CADM2: variants seen among roughly 807,000 people sequenced by gnomAD.
CADM2 encodes immunoglobulin superfamily member 4D.
A neutral mutation model predicts 49.8 loss-of-function variants in CADM2; 12 were observed. The observed-to-expected ratio is 0.24, with a 90% CI of 0.15 to 0.39. The LOEUF (loss-of-function observed/expected upper bound fraction) is 0.39, where lower values mean the gene tolerates loss of function less well. Ranked by LOEUF, CADM2 falls within the 10% of genes least tolerant of loss-of-function variation. The probability of loss-of-function intolerance (pLI) is 1.00; values close to 1 mark genes in which losing one functional copy is unlikely to be tolerated. For synonymous variants in CADM2, 214 were observed against 175.4 expected (o/e 1.22, Z -1.74); for missense variants, 378 against 492.3 (o/e 0.77, Z 2.20).
rs375702349 is a variant in CADM2, at chr3:84,984,356, TAAAAAAAAA to T, written c.61+24709_61+24717del. On this transcript the variant is annotated intron_variant, in intron 1 of 9. Coordinates refer to ENST00000383699, the MANE Select transcript of CADM2 (RefSeq NM_001167675.2). ...CCTCATAGCCACCTCAAGATTAAGCTAAAAAAAAAAAAAAAAAAAAAAAAAAAAACACTT... is the reference window on the plus strand; with the variant it reads ...CCTCATAGCCACCTCAAGATTAAGCTAAAAAAAAAAAAAAAAAAAACACTT... 1.5e-3 allele frequency among the ~76,000 whole-genome samples: 99 copies of T among 67,062 alleles called. 3 individuals are homozygous for T. The highest frequency in any genetic ancestry group is 3.4e-3 in the East Asian group (4 of 1,188). The allele number at this position is 67,062 out of a possible 152,430, so 44.0% of individuals were successfully genotyped here.
chr3:85,647,750 T>C (rs1333949680), intron 1 of CADM2, among the ~76,000 whole-genome samples: 1 of 151,788 alleles, frequency 6.6e-6, no homozygotes, highest in African/African-American at 2.4e-5. Flanking sequence ...AATATTTTTG[T>C]GACCCCTACC....
chr3:85,972,957 AAAAACACTG>A (rs1726324866), intron 8 of CADM2, among the ~76,000 whole-genome samples: 1 of 151,842 alleles, frequency 6.6e-6, no homozygotes, highest in African/African-American at 2.4e-5. Context: ...TAACACTTTT[AAAAACACTG>A]AAAACCTGCG....
At chr3:84,978,510 ATTAT>A (rs1474548350) in intron 1 of CADM2, among the ~76,000 whole-genome samples, 4 of 152,168 alleles carry the variant, frequency 2.6e-5, no homozygotes, top group Non-Finnish European at 4.4e-5. Context: ...TTCACAATAT[ATTAT>A]TTATTACTTG....
chr3:85,452,964 C>G (rs1284250486), intron 1 of CADM2, among the ~76,000 whole-genome samples: 1 of 152,110 alleles, frequency 6.6e-6, no homozygotes, highest in African/African-American at 2.4e-5. Flanking sequence ...AAAATATACA[C>G]ACACACACTT....
chr3:85,114,186 T>G (rs531512847), intron 1 of CADM2, among the ~76,000 whole-genome samples: 99 of 151,980 alleles, frequency 6.5e-4, no homozygotes, highest in African/African-American at 2.3e-3. Context: ...TCACTGGGAA[T>G]AGGTGTGTGT....
intron 1 of CADM2, among the ~76,000 whole-genome samples, chr3:85,460,269 G>A (rs979484013): frequency 7.5e-6 from 1 of 133,476 alleles, no homozygotes; most frequent in African/African-American, 3.3e-5. Context: ...GATGAAATAT[G>A]GGAGGTTCAG....
intron 1 of CADM2, among the ~76,000 whole-genome samples, chr3:85,070,393 G>A (rs2036685263): frequency 6.6e-6 from 1 of 152,042 alleles, no homozygotes; most frequent in Non-Finnish European, 1.5e-5. Flanking sequence ...TATTCTTATA[G>A]AAAGACTAGA....
Position 85,643,450 on chromosome 3 carries a change from G to T in CADM2, c.62-83072G>T, listed in dbSNP as rs114969519. Among the ~76,000 whole-genome samples, 997 of 152,230 alleles carry T rather than the reference G, an allele frequency of 6.5e-3. 18 individuals are homozygous for T. The highest frequency in any genetic ancestry group is 0.023 in the African/African-American group (960 of 41,538). ...CATTTGAAAATATGAGCGAAAGATTGACTTTAAATTTCCAGAGATGATTAG... is the reference window on the plus strand; with the variant it reads ...CATTTGAAAATATGAGCGAAAGATTTACTTTAAATTTCCAGAGATGATTAG... On this transcript the variant is annotated intron_variant, in intron 1 of 9. Coordinates refer to ENST00000383699, the MANE Select transcript of CADM2 (RefSeq NM_001167675.2).
intron 8 of CADM2, among the ~76,000 whole-genome samples, chr3:85,989,316 A>T (rs1014426205): frequency 7.2e-5 from 11 of 152,164 alleles, no homozygotes; most frequent in Non-Finnish European, 1.5e-4. Flanking sequence ...GAAGTGAGTG[A>T]AGTTATCCTA....
chr3:85,224,504 C>A (rs917256995), intron 1 of CADM2, among the ~76,000 whole-genome samples: 1 of 152,058 alleles, frequency 6.6e-6, no homozygotes, highest in Non-Finnish European at 1.5e-5. Context: ...GATATTAGCC[C>A]TTTGTCAGAT....
chr3:85,585,617 A>C (rs1310038865), intron 1 of CADM2, among the ~76,000 whole-genome samples: 3 of 152,006 alleles, frequency 2.0e-5, no homozygotes, highest in Non-Finnish European at 4.4e-5. Context: ...CGATCTTGAA[A>C]CATACCTTCT....
At position 85,719,181 on chromosome 3, in the gene CADM2, TG is replaced by T. The variant is rs2067410535; in HGVS notation, c.62-7340del. On this transcript the variant is annotated intron_variant, in intron 1 of 9. Coordinates refer to ENST00000383699, the MANE Select transcript of CADM2 (RefSeq NM_001167675.2). ...TTCATAGCCAAAATTACTTTCATTG[TG>T]CTTGTTTGTGTTGCACATATTGTAA... 2.0e-5 allele frequency among the ~76,000 whole-genome samples: 3 copies of T among 152,288 alleles called. No homozygotes were observed. The South Asian group carries it at 6.2e-4, about 32-fold the overall frequency.
At chr3:85,987,109 C>T (rs1226491299) in intron 8 of CADM2, among the ~76,000 whole-genome samples, 6 of 152,056 alleles carry the variant, frequency 3.9e-5, no homozygotes, top group African/African-American at 1.4e-4. Context: ...AACTCTGACA[C>T]AATTTGAAAA....
intron 1 of CADM2, among the ~76,000 whole-genome samples, chr3:85,044,078 G>C (rs2035553911): frequency 1.3e-5 from 2 of 151,904 alleles, no homozygotes; most frequent in Admixed American, 6.6e-5. Context: ...GTAGGGAAAG[G>C]AACTAGATCA....
intron 6 of CADM2, among the ~76,000 whole-genome samples, chr3:85,929,871 C>T (rs987750129): frequency 2.0e-5 from 3 of 151,898 alleles, no homozygotes; most frequent in Admixed American, 2.0e-4. Flanking sequence ...AATCAATTCT[C>T]TTATGTATGA....
intron 1 of CADM2, among the ~76,000 whole-genome samples, chr3:85,672,151 A>G (rs7625199): frequency 0.32 from 48,130 of 151,336 alleles, 8,469 homozygotes; most frequent in African/African-American, 0.47. Flanking sequence ...TAAACAGACA[A>G]GTAAAATTTA....
intron 1 of CADM2, among the ~76,000 whole-genome samples, chr3:85,445,762 CAG>C (rs1314392063): frequency 6.6e-6 from 1 of 152,076 alleles, no homozygotes; most frequent in African/African-American, 2.4e-5. Context: ...GAAGTACAAA[CAG>C]AGTGCAGTTA....
intron 1 of CADM2, among the ~76,000 whole-genome samples, chr3:85,677,300 T>C (rs1035550928): frequency 1.3e-5 from 2 of 152,202 alleles, no homozygotes; most frequent in Non-Finnish European, 2.9e-5. Flanking sequence ...CAATTACTTA[T>C]GCCAAGTTTA....
chr3:85,322,107 C>T (rs1373131576), intron 1 of CADM2, among the ~76,000 whole-genome samples: 2 of 152,060 alleles, frequency 1.3e-5, no homozygotes, highest in Non-Finnish European at 2.9e-5. Flanking sequence ...CCTTATTTAT[C>T]TAAGGGTCAA....
Sources: gnomAD v4.1 joint callset for allele counts (sites outside exome capture counted in the v4.1 genomes callset) on GRCh38, gnomAD v4.1.1 for gene constraint, MANE v1.5 for transcripts, NCBI Gene and HGNC (gene_info 2026-07-23, HGNC 2026-07-21) for gene names.